Variants in PDE10A observed in about 807,000 individuals in gnomAD.
PDE10A encodes phosphodiesterase 10A.
In PDE10A, 39 loss-of-function variants were observed where a neutral mutation model predicts 97.7. The observed-to-expected ratio is 0.40, with a 90% CI of 0.31 to 0.52. The LOEUF (loss-of-function observed/expected upper bound fraction) is 0.52, where lower values mean the gene tolerates loss of function less well. PDE10A is among the 20% of genes least tolerant of loss of function. The pLI is 0.56. For missense variants in PDE10A, 731 were observed against 1,047.8 expected (o/e 0.70, Z 4.17); for synonymous variants, 371 against 376.8 (o/e 0.98, Z 0.18).
chr6:165,636,717 G>A (rs570287846), intron 1 of PDE10A, among the ~76,000 whole-genome samples: 9 of 152,272 alleles, frequency 5.9e-5, no homozygotes, highest in African/African-American at 9.6e-5. Context: ...GCATCTGCCC[G>A]AACACATTTG....
chr6:165,635,480 T>TGG (rs1788830088), intron 1 of PDE10A, among the ~76,000 whole-genome samples: 1 of 152,076 alleles, frequency 6.6e-6, no homozygotes, highest in Admixed American at 6.6e-5. Context: ...TGAGTGTGTG[T>TGG]GTGTGTGGGT....
intron 1 of PDE10A, among the ~76,000 whole-genome samples, chr6:165,688,043 A>G (rs1231222313): frequency 1.3e-5 from 2 of 152,200 alleles, no homozygotes; most frequent in Non-Finnish European, 2.9e-5. Flanking sequence ...CACACCCCAA[A>G]TGGAGGGACC....
intron 1 of PDE10A, among the ~76,000 whole-genome samples, chr6:165,583,058 T>C (rs1390513889): frequency 6.6e-6 from 1 of 152,206 alleles, no homozygotes; most frequent in Non-Finnish European, 1.5e-5. Context: ...CTGCTTATGA[T>C]AGCATTAGTC....
intron 1 of PDE10A, among the ~76,000 whole-genome samples, chr6:165,820,114 T>TA (rs1235560420): frequency 1.3e-5 from 2 of 152,204 alleles, no homozygotes; most frequent in Non-Finnish European, 2.9e-5. Context: ...TCTGATACAC[T>TA]AAAAAATAGG....
At chr6:165,415,318 A>G (rs949781240) in intron 12 of PDE10A, among the ~76,000 whole-genome samples, 3 of 152,194 alleles carry the variant, frequency 2.0e-5, no homozygotes, top group African/African-American at 7.2e-5. Flanking sequence ...TTTGACATCA[A>G]TTGATCAAAT....
chr6:165,800,109 G>A (rs188733975), intron 1 of PDE10A, among the ~76,000 whole-genome samples: 1 of 152,330 alleles, frequency 6.6e-6, no homozygotes, highest in East Asian at 1.9e-4. Flanking sequence ...AGTTCTCAGA[G>A]CAGAGGATTT....
At chr6:165,527,469 C>T (rs925613094) in intron 2 of PDE10A, among the ~76,000 whole-genome samples, 5 of 152,156 alleles carry the variant, frequency 3.3e-5, no homozygotes, top group African/African-American at 9.7e-5. Flanking sequence ...TGAACCACAG[C>T]GGAGGCCTCT....
chr6:165,444,651 T>C (rs1474062902), intron 5 of PDE10A, among the ~76,000 whole-genome samples: 2 of 152,042 alleles, frequency 1.3e-5, no homozygotes, highest in African/African-American at 4.8e-5. Context: ...ATATTTTATG[T>C]TTTAATTTTA....
intron 1 of PDE10A, among the ~76,000 whole-genome samples, chr6:165,611,759 AGTTATGT>A (rs1787505263): frequency 6.6e-6 from 1 of 152,240 alleles, no homozygotes; most frequent in Non-Finnish European, 1.5e-5. Flanking sequence ...GGATTAGAAA[AGTTATGT>A]TTATTGCATA....
intron 1 of PDE10A, among the ~76,000 whole-genome samples, chr6:165,649,513 G>T (rs997305013): frequency 3.3e-5 from 5 of 152,030 alleles, no homozygotes; most frequent in African/African-American, 1.2e-4. Context: ...GGAAGGCTTT[G>T]TCCCTCTGGC....
At chr6:165,885,491 T>C (rs1020318229) in intron 1 of PDE10A, among the ~76,000 whole-genome samples, 2 of 152,138 alleles carry the variant, frequency 1.3e-5, no homozygotes, top group African/African-American at 2.4e-5. Context: ...AGGATTAGAA[T>C]TCAAGATGAG....
At chr6:165,595,472 A>G (rs1786532015) in intron 1 of PDE10A, among the ~76,000 whole-genome samples, 2 of 152,236 alleles carry the variant, frequency 1.3e-5, no homozygotes, top group Admixed American at 1.3e-4. Flanking sequence ...AATGAAATTG[A>G]ACATGCGACA....
chr6:165,633,668 C>A (rs145343722), intron 1 of PDE10A, among the ~76,000 whole-genome samples: 1 of 152,140 alleles, frequency 6.6e-6, no homozygotes, highest in Admixed American at 6.5e-5. Context: ...ACTCAGGTCA[C>A]CCAGGCTGGA....
At chr6:165,618,331 A>C (rs1229449886) in intron 1 of PDE10A, among the ~76,000 whole-genome samples, 1 of 152,152 alleles carries the variant, frequency 6.6e-6, no homozygotes, top group African/African-American at 2.4e-5. Context: ...TCACTCTCTG[A>C]TAACAATTCC....
chr6:165,481,237 C>T (rs566850582), intron 3 of PDE10A, among the ~76,000 whole-genome samples: 5 of 152,292 alleles, frequency 3.3e-5, no homozygotes, highest in African/African-American at 1.2e-4. Flanking sequence ...GTCCACCCCT[C>T]TGTCACTTCC....
At chr6:165,806,961 C>T (rs1779159572) in intron 1 of PDE10A, among the ~76,000 whole-genome samples, 2 of 152,186 alleles carry the variant, frequency 1.3e-5, no homozygotes, top group African/African-American at 4.8e-5. Flanking sequence ...CTGTGTGGTG[C>T]CATAGGCTGT....
chr6:165,973,931 C>T (rs1784774250), intron 1 of PDE10A, among the ~76,000 whole-genome samples: 2 of 152,284 alleles, frequency 1.3e-5, no homozygotes, highest in South Asian at 4.1e-4. Context: ...AATTACCCAC[C>T]TTGTGCACCA....
chr6:165,756,883 T>C (rs1005070564), intron 1 of PDE10A, among the ~76,000 whole-genome samples: 3 of 152,168 alleles, frequency 2.0e-5, no homozygotes, highest in African/African-American at 7.2e-5. Context: ...ATATTTCATA[T>C]GTTTCAGGAT....
At chr6:165,878,408 T>C (rs1199776375) in intron 1 of PDE10A, among the ~76,000 whole-genome samples, 1 of 152,316 alleles carries the variant, frequency 6.6e-6, no homozygotes, top group East Asian at 1.9e-4. Flanking sequence ...ATAGGGTCAG[T>C]AAACAAGTAA....
Sources: gnomAD v4.1 joint callset for allele counts (sites outside exome capture counted in the v4.1 genomes callset) on GRCh38, gnomAD v4.1.1 for gene constraint, MANE v1.5 for transcripts, NCBI Gene and HGNC (gene_info 2026-07-23, HGNC 2026-07-21) for gene names.